The following PRKCB variants were observed in gnomAD, a reference collection of about 807,000 sequenced individuals.
PRKCB encodes protein kinase C beta, also known as protein kinase C beta type.
Under a neutral mutation model 81.5 loss-of-function variants are expected in PRKCB, and 13 were observed. The ratio of observed to expected loss-of-function variants is 0.16; its 90% CI spans 0.10 to 0.25. The LOEUF is 0.25. PRKCB is among the 10% of genes least tolerant of loss of function. PRKCB has a pLI of 1.00. For missense variants in PRKCB, 509 were observed against 875.7 expected (o/e 0.58, Z 5.29); for synonymous variants, 335 against 321.4 (o/e 1.04, Z -0.45).
intron 2 of PRKCB, among the ~76,000 whole-genome samples, chr16:23,866,904 T>C (rs1962799269): frequency 6.6e-6 from 1 of 151,994 alleles, no homozygotes; most frequent in African/African-American, 2.4e-5. Context: ...AATGATCCTT[T>C]CCTGTCCCCT....
intron 2 of PRKCB, among the ~76,000 whole-genome samples, chr16:23,873,370 CA>C (rs113026809): frequency 0.11 from 12,394 of 113,298 alleles, 574 homozygotes; most frequent in Middle Eastern, 0.2. Flanking sequence ...GAAACTCTGT[CA>C]AAAAAAAAAA....
At chr16:24,062,768 G>C (rs1290981206) in intron 5 of PRKCB, among the ~76,000 whole-genome samples, 1 of 152,050 alleles carries the variant, frequency 6.6e-6, no homozygotes, top group African/African-American at 2.4e-5. Flanking sequence ...GACATTACTG[G>C]CCCCTCACTC....
chr16:24,193,933 G>T (rs942766955), intron 16 of PRKCB, among the ~76,000 whole-genome samples: 2 of 152,196 alleles, frequency 1.3e-5, no homozygotes, highest in Non-Finnish European at 2.9e-5. Context: ...GCAGACCTGT[G>T]AGTTGATTGA....
intron 7 of PRKCB, among the ~76,000 whole-genome samples, chr16:24,100,320 C>A (rs1036038837): frequency 1.3e-5 from 2 of 152,100 alleles, no homozygotes; most frequent in African/African-American, 4.8e-5. Flanking sequence ...TTTTAGCCTA[C>A]GTTCCTAAAC....
intron 2 of PRKCB, among the ~76,000 whole-genome samples, chr16:23,973,967 A>G (rs1182912134): frequency 6.6e-6 from 1 of 152,230 alleles, no homozygotes; most frequent in Non-Finnish European, 1.5e-5. Context: ...CACTCTGACC[A>G]GCTGGAAATG....
chr16:23,929,922 G>C (rs565752003), intron 2 of PRKCB, among the ~76,000 whole-genome samples: 1 of 151,840 alleles, frequency 6.6e-6, no homozygotes, highest in African/African-American at 2.4e-5. Flanking sequence ...GGGGCACAGC[G>C]TACTATGAAA....
At chr16:24,033,450 G>T (rs957664075) in intron 4 of PRKCB, among the ~76,000 whole-genome samples, 1 of 152,092 alleles carries the variant, frequency 6.6e-6, no homozygotes, top group Non-Finnish European at 1.5e-5. Flanking sequence ...GGCAAAAGGA[G>T]GGACAGGCAG....
At chr16:23,995,764 C>A (rs1207839650) in intron 3 of PRKCB, among the ~76,000 whole-genome samples, 1 of 152,238 alleles carries the variant, frequency 6.6e-6, no homozygotes, top group East Asian at 1.9e-4. Context: ...ACTCTTGCTA[C>A]CCTGCCTTCT....
intron 9 of PRKCB, among the ~76,000 whole-genome samples, chr16:24,136,916 C>T (rs1487299823): frequency 2.6e-5 from 4 of 152,012 alleles, no homozygotes; most frequent in African/African-American, 7.2e-5. Flanking sequence ...CTCACTCTGT[C>T]GCCCAGGCTG....
At chr16:23,892,010 G>A (rs915201578) in intron 2 of PRKCB, among the ~76,000 whole-genome samples, 3 of 152,162 alleles carry the variant, frequency 2.0e-5, no homozygotes, top group African/African-American at 7.2e-5. Flanking sequence ...TCCTAGAGCT[G>A]TATCACCAAC....
At chr16:23,946,222 T>C (rs149875400) in intron 2 of PRKCB, among the ~76,000 whole-genome samples, 1 of 152,332 alleles carries the variant, frequency 6.6e-6, no homozygotes, top group African/African-American at 2.4e-5. Context: ...AAGCCACCTC[T>C]GATTATTAGA....
chr16:23,914,996 G>A (rs749050309), intron 2 of PRKCB, among the ~76,000 whole-genome samples: 8 of 152,226 alleles, frequency 5.3e-5, no homozygotes, highest in Non-Finnish European at 8.8e-5. Context: ...GATGGGGGCT[G>A]TGAAGCCCCT....
At chr16:24,079,145 G>C (rs997624719) in intron 5 of PRKCB, among the ~76,000 whole-genome samples, 2 of 151,884 alleles carry the variant, frequency 1.3e-5, no homozygotes, top group African/African-American at 4.8e-5. Flanking sequence ...ATTCTCCCCC[G>C]CCCTTAAGAA....
intron 16 of PRKCB, among the ~76,000 whole-genome samples, chr16:24,194,084 T>C (rs1596592709): frequency 6.6e-6 from 1 of 152,166 alleles, no homozygotes. Flanking sequence ...CCCAGCACTT[T>C]GGGAGGCTGA....
At chr16:24,043,533 A>G (rs1380803148) in intron 5 of PRKCB, among the ~76,000 whole-genome samples, 1 of 152,108 alleles carries the variant, frequency 6.6e-6, no homozygotes, top group Non-Finnish European at 1.5e-5. Flanking sequence ...CCATGAGGCC[A>G]GGGGAAGGGT....
intron 12 of PRKCB, among the ~76,000 whole-genome samples, chr16:24,176,881 T>C (rs1036168448): frequency 7.1e-6 from 1 of 140,020 alleles, no homozygotes; most frequent in Non-Finnish European, 1.5e-5. Flanking sequence ...GCAACAAGAA[T>C]GAAACTCCAT....
chr16:24,195,797 T>G (rs1325332153), intron 16 of PRKCB, among the ~76,000 whole-genome samples: 1 of 152,166 alleles, frequency 6.6e-6, no homozygotes, highest in Non-Finnish European at 1.5e-5. Context: ...GCTTTTGAGG[T>G]CTTCCAGTGC....
At chr16:23,975,402 A>G (rs983555592) in intron 2 of PRKCB, among the ~76,000 whole-genome samples, 3 of 152,102 alleles carry the variant, frequency 2.0e-5, no homozygotes, top group African/African-American at 7.2e-5. Flanking sequence ...CTGCTTTACC[A>G]GCAAGGGGAG....
chr16:24,113,933 A>T (rs1045233499), intron 8 of PRKCB, among the ~76,000 whole-genome samples: 7 of 151,888 alleles, frequency 4.6e-5, no homozygotes. Flanking sequence ...AAGTAGACAG[A>T]GGGCCGGGTG....
Sources: gnomAD v4.1 joint callset for allele counts (sites outside exome capture counted in the v4.1 genomes callset) on GRCh38, gnomAD v4.1.1 for gene constraint, MANE v1.5 for transcripts, NCBI Gene and HGNC (gene_info 2026-07-23, HGNC 2026-07-21) for gene names.